The following ARHGAP39 variants were observed in gnomAD, a reference collection of about 807,000 sequenced individuals.
The protein encoded by ARHGAP39 is rho GTPase-activating protein 39.
In ARHGAP39, 44 loss-of-function variants were observed where a neutral mutation model predicts 106.9. The ratio of observed to expected loss-of-function variants is 0.41; its 90% CI spans 0.32 to 0.53. The LOEUF (loss-of-function observed/expected upper bound fraction) is 0.53, where lower values mean the gene tolerates loss of function less well. Among genes scored for constraint, ARHGAP39 ranks in the 20% least tolerant of loss-of-function variants. ARHGAP39 has a pLI of 0.21. For synonymous variants in ARHGAP39, 768 were observed against 693.2 expected, an observed-to-expected ratio of 1.11 and a Z score of -1.69; for missense variants, 1,496 against 1,577.3, an observed-to-expected ratio of 0.95 and a Z score of 0.87.
At chr8:144,584,490 C>T (rs966819980) in intron 2 of ARHGAP39, among the ~76,000 whole-genome samples, 3 of 151,988 alleles carry the variant, frequency 2.0e-5, no homozygotes, top group East Asian at 1.9e-4. Context: ...TGGCCAGGTG[C>T]GGTGGCTCAG....
At chr8:144,609,869 A>C (rs1168941497) in intron 1 of ARHGAP39, among the ~76,000 whole-genome samples, 1 of 152,172 alleles carries the variant, frequency 6.6e-6, no homozygotes, top group African/African-American at 2.4e-5. Context: ...CCCTCCTCTC[A>C]AATTCCTGGG....
chr8:144,549,182 G>C (rs575963571), intron 4 of ARHGAP39, among the ~76,000 whole-genome samples: 2 of 152,254 alleles, frequency 1.3e-5, no homozygotes, highest in African/African-American at 2.4e-5. Context: ...CAGCACTGCG[G>C]GGCAGATATG....
chr8:144,678,606 C>A (rs1324249878), intron 1 of ARHGAP39, among the ~76,000 whole-genome samples: 1 of 152,214 alleles, frequency 6.6e-6, no homozygotes, highest in African/African-American at 2.4e-5. Flanking sequence ...CCAGGAGGCA[C>A]TGGGGAGCCA....
At chr8:144,653,421 G>A (rs893099257) in intron 1 of ARHGAP39, among the ~76,000 whole-genome samples, 6 of 152,120 alleles carry the variant, frequency 3.9e-5, no homozygotes, top group African/African-American at 4.8e-5. Context: ...TTATAAACAC[G>A]CACAACACCA....
intron 6 of ARHGAP39, among the ~76,000 whole-genome samples, chr8:144,542,799 T>C (rs944073420): frequency 1.3e-5 from 2 of 151,790 alleles, no homozygotes; most frequent in African/African-American, 4.8e-5. Flanking sequence ...ACTAGCTGGG[T>C]ATGGTGGCGC....
chr8:144,572,454 T>A (rs896765071), intron 3 of ARHGAP39, among the ~76,000 whole-genome samples: 6 of 152,180 alleles, frequency 3.9e-5, no homozygotes, highest in African/African-American at 1.4e-4. Flanking sequence ...ATCCCTTCCT[T>A]ACACCTTATA....
At chr8:144,592,243 T>C (rs1337081462) in intron 2 of ARHGAP39, among the ~76,000 whole-genome samples, 3,046 of 89,398 alleles carry the variant, frequency 0.034, no homozygotes, top group Middle Eastern at 0.18. Flanking sequence ...GGGGACAGCA[T>C]TGAGCCCAGA....
chr8:144,538,879 G>C (rs755523248), intron 6 of ARHGAP39, among the ~76,000 whole-genome samples: 2 of 152,114 alleles, frequency 1.3e-5, no homozygotes, highest in Non-Finnish European at 1.5e-5. Context: ...CCTACTTATG[G>C]ATTTTACTTT....
At chr8:144,639,053 G>A (rs1821243706) in intron 1 of ARHGAP39, among the ~76,000 whole-genome samples, 1 of 152,218 alleles carries the variant, frequency 6.6e-6, no homozygotes, top group African/African-American at 2.4e-5. Context: ...CGGGCCAGGA[G>A]CGGTGGCTCA....
rs556662243 is a variant in ARHGAP39 at position 144,589,197 on chromosome 8, G to A, written c.81-7920C>T. ...TCTGCGCTGCCTGTGCCATTTCCACGTAAATCTAAGATTGTTCTAAAATAA... is the reference window on the plus strand; with the variant it reads ...TCTGCGCTGCCTGTGCCATTTCCACATAAATCTAAGATTGTTCTAAAATAA... On this transcript the variant is annotated intron_variant, in intron 2 of 11. Transcript: ENST00000377307. 9.2e-5 allele frequency among the ~76,000 whole-genome samples: 14 copies of A among 152,290 alleles called. No homozygotes were observed. The East Asian group carries it at 2.5e-3, about 27-fold the overall frequency.
At chr8:144,662,444 C>G (rs1215629805) in intron 1 of ARHGAP39, among the ~76,000 whole-genome samples, 2 of 142,370 alleles carry the variant, frequency 1.4e-5, no homozygotes, top group African/African-American at 5.3e-5. Flanking sequence ...GGCCGCTACC[C>G]GCCTCCCCAT....
intron 6 of ARHGAP39, among the ~76,000 whole-genome samples, chr8:144,539,679 A>G (rs570812042): frequency 6.6e-6 from 1 of 152,352 alleles, no homozygotes; most frequent in Admixed American, 6.5e-5. Context: ...TCTTTTCTTC[A>G]CTAAGTTGCC....
chr8:144,687,107 C>T (rs866260872), upstream of ARHGAP39, among the ~76,000 whole-genome samples: 140 of 4,320 alleles, frequency 0.032, 13 homozygotes, highest in African/African-American at 0.054. Context: ...ACACTGGCGG[C>T]GACCATTTCC....
In ARHGAP39 at chr8:144,547,146, G is replaced by A. The variant is rs1336060835; in HGVS notation, c.1940C>T (p.Pro647Leu). The stretch of plus-strand genomic sequence containing the variant: ...CCTCACCTGTGAGGGGTGGAGGTAG[G>A]GCTCTGGTGAGGCCAGGTTGGTCTG... ...SVQTNLASPE[P>L]YLHPSQSEDL... The change falls in exon 5 of 12, where the codon CCC becomes CTC. Residue 647 changes from proline to leucine, a missense_variant. Pro to Leu is a moderately conservative substitution (Grantham distance 98). Around this residue, in one of 4 missense-constraint regions of ARHGAP39, gnomAD observed 905 missense variants for 816.4 expected, o/e 1.11. Coordinates refer to ENST00000377307, the MANE Select transcript of ARHGAP39 (RefSeq NM_025251.3). The surrounding 1 kb of genome is among the most constrained non-coding windows in gnomAD (Gnocchi z 5.2). The A allele has an allele frequency of 1.3e-5, 21 of 1,604,332 alleles. No homozygotes were observed. Among genetic ancestry groups the A allele is most frequent in the East Asian group, 2.2e-5 (1 of 44,756 alleles).
intron 2 of ARHGAP39, among the ~76,000 whole-genome samples, chr8:144,599,913 C>A (rs1819781622): frequency 6.6e-6 from 1 of 152,142 alleles, no homozygotes. Flanking sequence ...AGTAAACACA[C>A]TGGTGTTCTT....
chr8:144,560,548 GC>G (rs1418824604), intron 3 of ARHGAP39, among the ~76,000 whole-genome samples: 1 of 152,228 alleles, frequency 6.6e-6, no homozygotes. Flanking sequence ...TATGGAATAT[GC>G]CGAGATGGAA....
rs1205085730 is a variant in ARHGAP39 at position 144,586,694 on chromosome 8, C to G, written c.81-5417G>C. On this transcript the variant is annotated intron_variant, in intron 2 of 11. Coordinates refer to ENST00000377307, the MANE Select transcript of ARHGAP39 (RefSeq NM_025251.3). This position sits in a 1 kb window ranked among gnomAD's most constrained non-coding sequence, Gnocchi z 4.2. ...CCAGGCACCGGGTCCCATGCTGACACAGGGCTCAGAGCCTGCCCAGGGAAG... is the reference window on the plus strand; with the variant it reads ...CCAGGCACCGGGTCCCATGCTGACAGAGGGCTCAGAGCCTGCCCAGGGAAG... Among the ~76,000 whole-genome samples, 2 of 152,236 alleles carry G rather than the reference C, an allele frequency of 1.3e-5. No homozygotes were observed. Among genetic ancestry groups the G allele is most frequent in the Non-Finnish European group, 2.9e-5 (2 of 68,046 alleles).
At chr8:144,560,836 C>G (rs1818115412) in intron 3 of ARHGAP39, among the ~76,000 whole-genome samples, 1 of 152,206 alleles carries the variant, frequency 6.6e-6, no homozygotes, top group Non-Finnish European at 1.5e-5. Flanking sequence ...CTGTCAGAAA[C>G]ATTTTAAACA....
intron 1 of ARHGAP39, among the ~76,000 whole-genome samples, chr8:144,665,538 G>A (rs983931433): frequency 6.6e-6 from 1 of 152,230 alleles, no homozygotes; most frequent in Non-Finnish European, 1.5e-5. Flanking sequence ...GCCAGGCCCA[G>A]GGTCCCTGTG....
Sources: gnomAD v4.1 joint callset for allele counts (sites outside exome capture counted in the v4.1 genomes callset) on GRCh38, gnomAD v4.1.1 for gene constraint, gnomAD v4.1.1 regional missense constraint, Gnocchi (gnomAD v3.1) non-coding constraint, MANE v1.5 for transcripts, NCBI Gene and HGNC (gene_info 2026-07-23, HGNC 2026-07-21) for gene names.